EZH2: variants seen among roughly 807,000 people sequenced by gnomAD.
The protein encoded by EZH2 is histone-lysine N-methyltransferase EZH2.
EZH2 carries 18 observed loss-of-function variants against 98.4 expected under a neutral mutation model. The ratio of observed to expected loss-of-function variants is 0.18; its 90% CI spans 0.13 to 0.27. The LOEUF is 0.27. EZH2 is among the 10% of genes least tolerant of loss of function. EZH2 has a pLI of 1.00. For missense variants in EZH2, 470 were observed against 935.1 expected, an observed-to-expected ratio of 0.50 and a Z score of 6.49; for synonymous variants, 338 against 312.3, an observed-to-expected ratio of 1.08 and a Z score of -0.87.
chr7:148,815,008 T>G lies in EZH2; in HGVS notation c.1578A>C (p.Gln526His). The G allele has an allele frequency of 2.5e-6, 4 of 1,613,996 alleles. No homozygotes were observed. The highest frequency in any genetic ancestry group is 3.4e-6 in the Non-Finnish European group (4 of 1,179,970). Residue 526 changes from glutamine (Q) to histidine (H), a missense_variant, in exon 14 of 20, where the codon CAA (glutamine) becomes CAC (histidine). Physicochemically the swap from Gln to His is conservative, Grantham distance 24. Around this residue, in one of 6 missense-constraint regions of EZH2, gnomAD observed 106 missense variants for 327.2 expected, o/e 0.32. Transcript: ENST00000320356. Reference sequence around the variant, plus strand: ...AAGGCTGCCGTGGATGATCACAGGGTTGATAGTTGTAAACATGGTTAGAGG... The same window carrying G: ...AAGGCTGCCGTGGATGATCACAGGGGTGATAGTTGTAAACATGGTTAGAGG... ...DGSSNHVYNY[Q>H]PCDHPRQPCD...
chr7:148,866,674 GTACGTATATGCATATATATA>G (rs1818587021), intron 1 of EZH2, among the ~76,000 whole-genome samples: 1 of 144,040 alleles, frequency 6.9e-6, no homozygotes, highest in Non-Finnish European at 1.5e-5. Flanking sequence ...GCATATATAT[GTACGTATATGCATATATATA>G]TACATATATG....
At chr7:148,868,469 C>G (rs149847225) in intron 1 of EZH2, among the ~76,000 whole-genome samples, 7 of 152,122 alleles carry the variant, frequency 4.6e-5, no homozygotes, top group South Asian at 2.1e-4. Flanking sequence ...CTCACTGTCA[C>G]GAGAACTCAC....
chr7:148,859,505 AAACAACAACAAC>A (rs71529644), intron 1 of EZH2, among the ~76,000 whole-genome samples: 10 of 150,288 alleles, frequency 6.7e-5, no homozygotes, highest in Admixed American at 2.0e-4. Flanking sequence ...TCTGTCTCAA[AAACAACAACAAC>A]AACAACAACA....
Position 148,815,077 on chromosome 7 carries a change from G to A in EZH2, c.1547-38C>T, listed in dbSNP as rs569603559. 6 of 1,605,030 alleles carry A rather than the reference G, an allele frequency of 3.7e-6. No individual in the cohort carries two copies. In the East Asian group the frequency reaches 1.1e-4, roughly 30 times the overall value. ...AACATCATGCAGGCCAATGAATCCA[G>A]GGAGATGGAAACGATCATACACAAT... On this transcript the variant is annotated intron_variant, in intron 13 of 19. Transcript: ENST00000320356.
chr7:148,833,114 G>A (rs959513696), intron 3 of EZH2, among the ~76,000 whole-genome samples: 11 of 152,126 alleles, frequency 7.2e-5, no homozygotes, highest in African/African-American at 2.4e-4. Flanking sequence ...CAACCACACA[G>A]AATAGTAATA....
chr7:148,833,692 T>C (rs1810067514), intron 3 of EZH2, among the ~76,000 whole-genome samples: 1 of 152,210 alleles, frequency 6.6e-6, no homozygotes, highest in Admixed American at 6.5e-5. Context: ...GTACTTTCTA[T>C]GTGCTAGGCT....
At position 148,853,766 on chromosome 7, in the gene EZH2, C is replaced by T. The variant is rs1816297088; in HGVS notation, c.-7-6461G>A. ...TTTTGTTTCTTTTCAAGTATTTTTA[C>T]CCACAGTTGGCTGAATCTACAAATG... is the stretch of plus-strand genomic sequence containing the variant. On this transcript the variant is annotated intron_variant, in intron 1 of 19. Coordinates refer to ENST00000320356, the MANE Select transcript of EZH2 (RefSeq NM_004456.5). Among the ~76,000 whole-genome samples the T allele has an allele frequency of 2.0e-5, 3 of 152,220 alleles. No homozygotes were observed. In the South Asian group the frequency reaches 6.2e-4, roughly 32 times the overall value.
intron 3 of EZH2, among the ~76,000 whole-genome samples, chr7:148,836,330 C>T (rs1281875454): frequency 1.3e-5 from 2 of 152,310 alleles, no homozygotes; most frequent in Non-Finnish European, 2.9e-5. Flanking sequence ...CCATTCTTTA[C>T]TATTAACCGT....
At chr7:148,844,467 A>G (rs1381908321) in intron 3 of EZH2, among the ~76,000 whole-genome samples, 1 of 152,184 alleles carries the variant, frequency 6.6e-6, no homozygotes, top group African/African-American at 2.4e-5. Context: ...AGCTACCAAC[A>G]CCAGCAACAA....
intron 1 of EZH2, among the ~76,000 whole-genome samples, chr7:148,882,019 C>T (rs1032930374): frequency 3.3e-5 from 5 of 150,308 alleles, no homozygotes; most frequent in Non-Finnish European, 7.4e-5. Flanking sequence ...CTAAAATATC[C>T]GAATTTCTGC....
At position 148,834,686 on chromosome 7, in the gene EZH2, G is replaced by A. The variant is rs148870923; in HGVS notation, c.247-1936C>T. Among the ~76,000 whole-genome samples, 257 of 152,198 alleles carry A rather than the reference G, an allele frequency of 1.7e-3. 2 individuals carry two copies. The highest frequency in any genetic ancestry group is 5.8e-3 in the African/African-American group (241 of 41,526). ...ATAATACTAATAAGGCTCTTAACTC[G>A]AGTAAACAAGAAGGTGTGAACAGTT... On this transcript the variant is annotated intron_variant, in intron 3 of 19. Coordinates refer to ENST00000320356, the MANE Select transcript of EZH2 (RefSeq NM_004456.5).
chr7:148,858,250 C>A (rs1179672336), intron 1 of EZH2, among the ~76,000 whole-genome samples: 1 of 151,854 alleles, frequency 6.6e-6, no homozygotes, highest in Non-Finnish European at 1.5e-5. Context: ...CTAGATAGCG[C>A]CACTGCACTC....
chr7:148,835,901 C>T (rs904903953), intron 3 of EZH2, among the ~76,000 whole-genome samples: 1 of 152,170 alleles, frequency 6.6e-6, no homozygotes, highest in Non-Finnish European at 1.5e-5. Context: ...TCTGCAAATT[C>T]TGAATGAAGT....
chr7:148,808,931 T>G, intron 19 of EZH2, 140 bp downstream of exon 19: 1 of 640,318 alleles, frequency 1.6e-6, no homozygotes, highest in Non-Finnish European at 2.8e-6. Flanking sequence ...AACAGGAAAG[T>G]GTAACCTAAT....
intron 1 of EZH2, among the ~76,000 whole-genome samples, chr7:148,847,629 T>C (rs1814502002): frequency 6.6e-6 from 1 of 152,154 alleles, no homozygotes; most frequent in South Asian, 2.1e-4. Flanking sequence ...GAGATCCACA[T>C]TTGTGGAGGG....
intron 3 of EZH2, among the ~76,000 whole-genome samples, chr7:148,835,236 A>G (rs1276664316): frequency 6.6e-6 from 1 of 152,122 alleles, no homozygotes; most frequent in Admixed American, 6.5e-5. Context: ...CCTGGGCAAC[A>G]TGGGGAAACC....
intron 1 of EZH2, among the ~76,000 whole-genome samples, chr7:148,874,700 G>A (rs927072530): frequency 1.3e-5 from 2 of 152,048 alleles, no homozygotes; most frequent in Admixed American, 6.6e-5. Flanking sequence ...TTGAGCAAAA[G>A]AACTGCTACT....
At chr7:148,862,535 A>G (rs1249111533) in intron 1 of EZH2, among the ~76,000 whole-genome samples, 1 of 152,222 alleles carries the variant, frequency 6.6e-6, no homozygotes, top group Non-Finnish European at 1.5e-5. Flanking sequence ...TTGATTTAAA[A>G]AAAGTCTGCC....
chr7:148,874,452 TG>T, intron 1 of EZH2, among the ~76,000 whole-genome samples: 1 of 152,044 alleles, frequency 6.6e-6, no homozygotes, highest in African/African-American at 2.4e-5. Flanking sequence ...GAGTTTGGGC[TG>T]TTCTACAGAC....
Sources: allele counts gnomAD v4.1 joint callset (sites outside exome capture counted in the v4.1 genomes callset), GRCh38; gene constraint gnomAD v4.1.1; regional missense constraint gnomAD v4.1.1; transcripts MANE v1.5; gene names NCBI Gene and HGNC (gene_info 2026-07-23, HGNC 2026-07-21).